ASXL1: variants seen among roughly 807,000 people sequenced by gnomAD.
ASXL1 encodes the protein polycomb group protein ASXL1.
ASXL1 carries 65 observed loss-of-function variants against 89.1 expected under a neutral mutation model. The ratio of observed to expected loss-of-function variants is 0.73; its 90% confidence interval spans 0.60 to 0.90. The LOEUF (loss-of-function observed/expected upper bound fraction) is 0.90, where lower values mean the gene tolerates loss of function less well. ASXL1 is among the 40% of genes least tolerant of loss of function. The pLI is 0.00. For missense variants in ASXL1, 1,786 were observed against 1,942.9 expected (o/e 0.92, Z 1.52); for synonymous variants, 739 against 746.9 (o/e 0.99, Z 0.17).
At chr20:32,398,767 G>T (rs1338915823) in intron 4 of ASXL1, among the ~76,000 whole-genome samples, 1 of 151,100 alleles carries the variant, frequency 6.6e-6, no homozygotes, top group Admixed American at 6.6e-5. Flanking sequence ...CCGCCACTAC[G>T]CCCGGCTCAT....
intron 4 of ASXL1, chr20:32,427,678 G>A (rs947958452): frequency 2.7e-5 from 6 of 225,758 alleles, no homozygotes; most frequent in Non-Finnish European, 4.5e-5. Context: ...TTACTTCCCT[G>A]ATCGTTATTC....
intron 4 of ASXL1, among the ~76,000 whole-genome samples, chr20:32,424,585 T>A (rs2011220936): frequency 6.6e-6 from 1 of 152,134 alleles, no homozygotes; most frequent in Non-Finnish European, 1.5e-5. Flanking sequence ...GGCCAACAGC[T>A]TAGTAAGAAT....
Position 32,428,255 on chromosome 20 carries a change from A to T in ASXL1, c.373+7A>T, listed in dbSNP as rs2123209866. On this transcript the variant is annotated splice_region_variant and intron_variant, in intron 5 of 12. Transcript: ENST00000375687. ...GTGAGTGGTGAAAACGATGGTAAGG[A>T]CCCTTTAATGGATGGGTGAGGGAGC... 1 of 1,614,056 alleles carries T rather than the reference A, an allele frequency of 6.2e-7. No individual in the cohort carries two copies. Among genetic ancestry groups the T allele is most frequent in the Non-Finnish European group, 8.5e-7 (1 of 1,180,000 alleles).
At chr20:32,415,915 G>GAA (rs1236025735) in intron 4 of ASXL1, among the ~76,000 whole-genome samples, 4 of 151,806 alleles carry the variant, frequency 2.6e-5, no homozygotes, top group Non-Finnish European at 5.9e-5. Context: ...CAAAAGAAAA[G>GAA]AAAAAATATT....
chr20:32,411,083 G>T (rs1600542393), intron 4 of ASXL1, among the ~76,000 whole-genome samples: 1 of 141,362 alleles, frequency 7.1e-6, no homozygotes, highest in African/African-American at 2.6e-5. Context: ...TCTGAGAGTT[G>T]TTGTCAAGTG....
chr20:32,419,391 C>T (rs1016596512), intron 4 of ASXL1, among the ~76,000 whole-genome samples: 6 of 151,610 alleles, frequency 4.0e-5, no homozygotes, highest in East Asian at 2.0e-4. Context: ...TTTTGTAGAG[C>T]GGGGGTCTCC....
intron 4 of ASXL1, among the ~76,000 whole-genome samples, chr20:32,381,568 G>T (rs896333547): frequency 9.4e-5 from 14 of 148,172 alleles, no homozygotes; most frequent in African/African-American, 3.5e-4. Context: ...AGGCTGGAGT[G>T]CAGTGGCGGG....
intron 10 of ASXL1, 151 bp from the exon 11 acceptor site, chr20:32,432,729 A>C (rs2011557547): frequency 2.2e-6 from 2 of 930,092 alleles, no homozygotes; most frequent in Admixed American, 2.3e-5. Flanking sequence ...TTTCCCTTAT[A>C]GTAGATGTGT....
At chr20:32,404,516 A>G (rs779663593) in intron 4 of ASXL1, among the ~76,000 whole-genome samples, 17 of 152,186 alleles carry the variant, frequency 1.1e-4, no homozygotes, top group Non-Finnish European at 2.1e-4. Flanking sequence ...AAACTCACTT[A>G]TTAGTTCTAC....
intron 4 of ASXL1, among the ~76,000 whole-genome samples, chr20:32,422,636 G>T (rs1322793798): frequency 1.4e-5 from 2 of 145,258 alleles, no homozygotes; most frequent in Non-Finnish European, 3.0e-5. Context: ...TCCCAGGCTG[G>T]AGTGCAATGG....
intron 11 of ASXL1, 100 bp downstream of exon 11, chr20:32,433,085 G>A: frequency 6.4e-7 from 1 of 1,562,486 alleles, no homozygotes; most frequent in Non-Finnish European, 8.7e-7. Context: ...CAAGAATGTG[G>A]AGATTGCAGT....
intron 4 of ASXL1, among the ~76,000 whole-genome samples, chr20:32,395,407 T>C (rs971782035): frequency 6.6e-6 from 1 of 152,216 alleles, no homozygotes; most frequent in African/African-American, 2.4e-5. Flanking sequence ...AGCAAATTTA[T>C]CTTTTTTGCC....
chr20:32,364,210 C>T (rs565019883), intron 1 of ASXL1, among the ~76,000 whole-genome samples: 2 of 152,114 alleles, frequency 1.3e-5, no homozygotes, highest in African/African-American at 4.8e-5. Flanking sequence ...TATTTGCTTT[C>T]TATTATTATT....
intron 4 of ASXL1, among the ~76,000 whole-genome samples, chr20:32,421,124 G>A (rs1426769287): frequency 6.6e-6 from 1 of 151,398 alleles, no homozygotes; most frequent in Non-Finnish European, 1.5e-5. Context: ...TGCATGCGGG[G>A]CTTAAAACCT....
At chr20:32,414,309 C>CT (rs1009248494) in intron 4 of ASXL1, among the ~76,000 whole-genome samples, 97 of 140,188 alleles carry the variant, frequency 6.9e-4, no homozygotes, top group African/African-American at 1.1e-3. Context: ...GCTTCTTTTT[C>CT]TTTTTTTTTT....
At chr20:32,392,740 A>G (rs574189217) in intron 4 of ASXL1, among the ~76,000 whole-genome samples, 1 of 152,088 alleles carries the variant, frequency 6.6e-6, no homozygotes, top group Non-Finnish European at 1.5e-5. Context: ...TAACTTACTG[A>G]TTATTTAGAA....
chr20:32,423,008 G>A (rs546154869), intron 4 of ASXL1, among the ~76,000 whole-genome samples: 1 of 152,130 alleles, frequency 6.6e-6, no homozygotes, highest in South Asian at 2.1e-4. Context: ...ATGTTTTCTG[G>A]CACCTGTTAT....
At chr20:32,377,972 C>CTGTGTGTGTGTGTGTG (rs112878923) in intron 4 of ASXL1, among the ~76,000 whole-genome samples, 8,990 of 115,240 alleles carry the variant, frequency 0.078, 658 homozygotes, top group African/African-American at 0.13. Flanking sequence ...AGTTTTGACT[C>CTGTGTGTGTGTGTGTG]TGTGTGTGTG....
At chr20:32,416,300 C>T (rs568308948) in intron 4 of ASXL1, among the ~76,000 whole-genome samples, 1 of 152,254 alleles carries the variant, frequency 6.6e-6, no homozygotes, top group Admixed American at 6.5e-5. Flanking sequence ...TACCCCTTAA[C>T]CAACTTCTAT....
Sources: gnomAD v4.1 joint callset for allele counts (sites outside exome capture counted in the v4.1 genomes callset) on GRCh38, gnomAD v4.1.1 for gene constraint, MANE v1.5 for transcripts, NCBI Gene and HGNC (gene_info 2026-07-23, HGNC 2026-07-21) for gene names.